Variants in NKAIN2 observed in about 807,000 individuals in gnomAD.
The protein encoded by NKAIN2 is sodium/potassium transporting ATPase interacting 2.
NKAIN2 carries 14 observed loss-of-function variants against 32.6 expected under a neutral mutation model. That is an observed-to-expected ratio of 0.43 (90% confidence interval 0.28 to 0.67). The LOEUF is 0.67. NKAIN2 is among the 30% of genes least tolerant of loss of function. NKAIN2 has a pLI of 0.17. For missense variants in NKAIN2, 198 were observed against 258.3 expected (o/e 0.77, Z 1.60); for synonymous variants, 80 against 87.2 (o/e 0.92, Z 0.46).
intron 1 of NKAIN2, among the ~76,000 whole-genome samples, chr6:124,018,409 C>T (rs994563135): frequency 3.3e-5 from 5 of 152,210 alleles, no homozygotes; most frequent in African/African-American, 1.2e-4. Context: ...CAACTTTCTG[C>T]AGCTACCTTG....
chr6:124,531,076 A>T (rs985748098), intron 3 of NKAIN2, among the ~76,000 whole-genome samples: 2 of 152,198 alleles, frequency 1.3e-5, no homozygotes, highest in African/African-American at 4.8e-5. Flanking sequence ...AGTCAAACTG[A>T]CACATAAAAT....
chr6:123,949,727 G>A (rs9375296), intron 1 of NKAIN2, among the ~76,000 whole-genome samples: 2,622 of 152,018 alleles, frequency 0.017, 53 homozygotes, highest in East Asian at 0.12. Flanking sequence ...CCAGATACAA[G>A]TTTATATCAT....
intron 3 of NKAIN2, among the ~76,000 whole-genome samples, chr6:124,498,843 AG>A (rs1407322187): frequency 3.7e-4 from 56 of 152,320 alleles, no homozygotes; most frequent in African/African-American, 1.2e-3. Flanking sequence ...TGTCCACTAA[AG>A]TTCTGCTAAA....
intron 3 of NKAIN2, among the ~76,000 whole-genome samples, chr6:124,407,883 C>A (rs1005187210): frequency 8.1e-5 from 12 of 148,460 alleles, no homozygotes; most frequent in Admixed American, 6.0e-4. Flanking sequence ...TTAATGATTG[C>A]CATTCTAACT....
intron 1 of NKAIN2, among the ~76,000 whole-genome samples, chr6:124,077,735 C>T (rs1376158275): frequency 6.6e-6 from 1 of 151,704 alleles, no homozygotes; most frequent in Non-Finnish European, 1.5e-5. Flanking sequence ...CTTGTGGGAC[C>T]ATAGATGCTC....
intron 1 of NKAIN2, among the ~76,000 whole-genome samples, chr6:124,184,043 T>A (rs1042008680): frequency 3.3e-5 from 5 of 152,128 alleles, no homozygotes; most frequent in Admixed American, 2.0e-4. Flanking sequence ...CAGTAAGAAA[T>A]GGCCAGATGC....
intron 5 of NKAIN2, among the ~76,000 whole-genome samples, chr6:124,808,684 A>T (rs1268632353): frequency 3.3e-5 from 5 of 152,236 alleles, no homozygotes; most frequent in Admixed American, 2.6e-4. Context: ...GAAAAGAGGA[A>T]GTCAAATTGT....
intron 1 of NKAIN2, among the ~76,000 whole-genome samples, chr6:123,907,351 T>C (rs1774932101): frequency 6.6e-6 from 1 of 152,188 alleles, no homozygotes; most frequent in African/African-American, 2.4e-5. Context: ...GAAGTTCTTT[T>C]AGATCTAACA....
chr6:124,289,284 A>G (rs953399513), intron 2 of NKAIN2, among the ~76,000 whole-genome samples: 4 of 152,158 alleles, frequency 2.6e-5, no homozygotes, highest in Non-Finnish European at 5.9e-5. Flanking sequence ...CGTGATACAT[A>G]TGGTAGTTGG....
At chr6:124,536,913 C>T (rs1779737328) in intron 3 of NKAIN2, among the ~76,000 whole-genome samples, 1 of 152,200 alleles carries the variant, frequency 6.6e-6, no homozygotes, top group African/African-American at 2.4e-5. Flanking sequence ...AGCCAGCAAT[C>T]TGGAGCAAGA....
At chr6:123,854,980 G>A (rs1775501532) in intron 1 of NKAIN2, among the ~76,000 whole-genome samples, 1 of 152,100 alleles carries the variant, frequency 6.6e-6, no homozygotes, top group African/African-American at 2.4e-5. Context: ...ACTGTCTTTG[G>A]AGCAGCATTC....
intron 1 of NKAIN2, among the ~76,000 whole-genome samples, chr6:123,818,418 G>A (rs1313709848): frequency 6.8e-6 from 1 of 147,794 alleles, no homozygotes; most frequent in Non-Finnish European, 1.5e-5. Context: ...TCATAACCAG[G>A]AACTTCTGTT....
At chr6:124,627,808 C>T (rs919239942) in intron 3 of NKAIN2, among the ~76,000 whole-genome samples, 1 of 152,120 alleles carries the variant, frequency 6.6e-6, no homozygotes, top group African/African-American at 2.4e-5. Context: ...CCACTCACCT[C>T]ACCACCCCCA....
At chr6:124,138,883 A>G (rs1018715986) in intron 1 of NKAIN2, among the ~76,000 whole-genome samples, 8 of 150,958 alleles carry the variant, frequency 5.3e-5, no homozygotes, top group South Asian at 2.1e-4. Context: ...ATGAGGATGC[A>G]AAGGCATAAG....
chr6:124,635,839 T>C (rs1783753380), intron 3 of NKAIN2, among the ~76,000 whole-genome samples: 1 of 151,988 alleles, frequency 6.6e-6, no homozygotes, highest in African/African-American at 2.4e-5. Context: ...AATAAAATAA[T>C]AGTTGGAGAC....
intron 1 of NKAIN2, among the ~76,000 whole-genome samples, chr6:123,860,011 A>G (rs1775720086): frequency 6.6e-6 from 1 of 152,158 alleles, no homozygotes; most frequent in South Asian, 2.1e-4. Flanking sequence ...TTGAGAAGCA[A>G]ATTTGCTTGT....
At chr6:124,364,017 A>G (rs1049302966) in intron 3 of NKAIN2, among the ~76,000 whole-genome samples, 21 of 152,046 alleles carry the variant, frequency 1.4e-4, no homozygotes, top group Admixed American at 1.4e-3. Context: ...GAAAACTGGA[A>G]CTAATACATT....
chr6:124,493,877 A>T (rs1228030648), intron 3 of NKAIN2, among the ~76,000 whole-genome samples: 1 of 152,002 alleles, frequency 6.6e-6, no homozygotes, highest in East Asian at 1.9e-4. Context: ...AACCAACTCA[A>T]GAGCATCCTC....
intron 4 of NKAIN2, among the ~76,000 whole-genome samples, chr6:124,756,740 A>G (rs1777986124): frequency 6.6e-6 from 1 of 152,160 alleles, no homozygotes. Context: ...TATATCAGTA[A>G]TTGAACCAGG....
Sources: gnomAD v4.1 joint callset for allele counts (sites outside exome capture counted in the v4.1 genomes callset) on GRCh38, gnomAD v4.1.1 for gene constraint, MANE v1.5 for transcripts, NCBI Gene and HGNC (gene_info 2026-07-23, HGNC 2026-07-21) for gene names.